CHD9: variants seen among roughly 807,000 people sequenced by gnomAD.
CHD9 encodes the protein ATP-dependent chromatin remodeler CHD9.
In CHD9, 77 loss-of-function variants were observed where a neutral mutation model predicts 316.1. That is an observed-to-expected ratio of 0.24 (90% CI 0.20 to 0.29). CHD9 has a LOEUF of 0.29. CHD9 is among the 10% of genes least tolerant of loss of function. The pLI is 1.00. For missense variants in CHD9, 2,763 were observed against 3,438.1 expected (o/e 0.80, Z 4.91); for synonymous variants, 1,129 against 1,158.3 (o/e 0.97, Z 0.51).
intron 20 of CHD9, among the ~76,000 whole-genome samples, chr16:53,267,048 A>C (rs528728769): frequency 6.6e-6 from 1 of 152,302 alleles, no homozygotes; most frequent in South Asian, 2.1e-4. Flanking sequence ...ATGTTATATT[A>C]ATATACAAAA....
In CHD9 at chr16:53,304,117, T is replaced by C. The variant is rs762490914; in HGVS notation, c.6111T>C (p.Ala2037=). 1.2e-6 allele frequency: 2 copies of C among 1,613,888 alleles called. No homozygotes were observed. Among genetic ancestry groups the C allele is most frequent in the South Asian group, 1.1e-5 (1 of 91,078 alleles). ...CCTCTCTACCTAGGCTCCTAGATGC[T>C]AAAGGTATTATTCTAGAGGAGATGA... The part of the protein sequence containing the change: ...PLTSLPRLLD[A]KGIILEEMKV... Residue 2037 remains alanine, a synonymous_variant, in exon 31 of 39, where the codon GCT becomes GCC. Coordinates refer to ENST00000447540, the MANE Select transcript of CHD9 (RefSeq NM_001308319.2).
intron 1 of CHD9, among the ~76,000 whole-genome samples, chr16:53,074,253 A>G (rs2034336779): frequency 6.6e-6 from 1 of 152,218 alleles, no homozygotes; most frequent in African/African-American, 2.4e-5. Flanking sequence ...CTAAGCAGCA[A>G]AGCATTCAAG....
At chr16:53,323,226 A>G (rs1462870038) in intron 38 of CHD9, among the ~76,000 whole-genome samples, 2 of 152,240 alleles carry the variant, frequency 1.3e-5, no homozygotes, top group East Asian at 1.9e-4. Context: ...TGAAGTGACA[A>G]TATTCAGATT....
intron 20 of CHD9, 37 bp downstream of exon 20, chr16:53,263,134 T>C (rs974883188): frequency 2.7e-6 from 4 of 1,454,664 alleles, no homozygotes; most frequent in Non-Finnish European, 3.8e-6. Context: ...AACTTGCTTT[T>C]GGGATACTTT....
intron 1 of CHD9, among the ~76,000 whole-genome samples, chr16:53,111,371 A>G (rs1405547865): frequency 6.6e-6 from 1 of 152,142 alleles, no homozygotes; most frequent in Non-Finnish European, 1.5e-5. Context: ...TTTACATCTC[A>G]GGGTTCTTCT....
intron 24 of CHD9, among the ~76,000 whole-genome samples, chr16:53,275,371 C>T (rs903978598): frequency 2.0e-5 from 3 of 152,286 alleles, no homozygotes; most frequent in African/African-American, 7.2e-5. Flanking sequence ...TTCATTCCTA[C>T]AGAAGTACTT....
intron 31 of CHD9, among the ~76,000 whole-genome samples, chr16:53,305,349 C>T (rs1028428883): frequency 9.9e-5 from 15 of 152,240 alleles, no homozygotes; most frequent in Non-Finnish European, 1.8e-4. Flanking sequence ...GCATAAGCCA[C>T]CACACCTGGC....
At chr16:53,305,111 G>T (rs1277708666) in intron 31 of CHD9, among the ~76,000 whole-genome samples, 1 of 151,912 alleles carries the variant, frequency 6.6e-6, no homozygotes, top group Non-Finnish European at 1.5e-5. Flanking sequence ...GCCCAGGCTG[G>T]AGTGCAATGG....
chr16:53,257,919 G>C (rs896697177), intron 19 of CHD9, among the ~76,000 whole-genome samples: 14 of 152,044 alleles, frequency 9.2e-5, no homozygotes, highest in Non-Finnish European at 2.9e-5. Flanking sequence ...TCTATGGACA[G>C]AAATATTTTT....
chr16:53,174,405 C>T lies in CHD9; in HGVS notation c.1452+16864C>T, dbSNP rs140402174. On this transcript the variant is annotated intron_variant, in intron 2 of 38. Transcript: ENST00000447540. ...AATTTGTATGTTTTAAATTTGTTTA[C>T]ATTTATTTAGACTTGTTTCTTTTAC... 5.8e-3 allele frequency among the ~76,000 whole-genome samples: 882 copies of T among 152,126 alleles called. 6 individuals carry two copies. The highest frequency in any genetic ancestry group is 7.6e-3 in the Non-Finnish European group (516 of 67,994).
At chr16:53,289,060 T>C (rs1004192673) in intron 27 of CHD9, among the ~76,000 whole-genome samples, 1 of 151,736 alleles carries the variant, frequency 6.6e-6, no homozygotes, top group Non-Finnish European at 1.5e-5. Flanking sequence ...TTACCATGAG[T>C]GAATGTTAGC....
intron 2 of CHD9, among the ~76,000 whole-genome samples, chr16:53,158,349 G>C (rs1471271943): frequency 6.6e-6 from 1 of 152,142 alleles, no homozygotes; most frequent in African/African-American, 2.4e-5. Context: ...AAAAGATTTT[G>C]AACACTAACA....
intron 3 of CHD9, among the ~76,000 whole-genome samples, chr16:53,212,474 G>C (rs2046410282): frequency 6.6e-6 from 1 of 152,064 alleles, no homozygotes; most frequent in Non-Finnish European, 1.5e-5. Flanking sequence ...GATGTCATCA[G>C]GGTTGGTGTT....
At chr16:53,181,138 G>A (rs1413784117) in intron 2 of CHD9, among the ~76,000 whole-genome samples, 1 of 150,744 alleles carries the variant, frequency 6.6e-6, no homozygotes, top group Admixed American at 6.6e-5. Flanking sequence ...AGCCTCCCGA[G>A]TAGCTGGGAT....
At chr16:53,133,252 G>T (rs1351476123) in intron 1 of CHD9, among the ~76,000 whole-genome samples, 2 of 152,126 alleles carry the variant, frequency 1.3e-5, no homozygotes, top group Non-Finnish European at 2.9e-5. Flanking sequence ...ACCAGGAGAT[G>T]ATATCCTAAA....
At chr16:53,121,644 C>T (rs2038743118) in intron 1 of CHD9, 1 of 320,706 alleles carries the variant, frequency 3.1e-6, no homozygotes, top group Non-Finnish European at 6.1e-6. Context: ...TTATTACCAG[C>T]TGCCTCTAGA....
chr16:53,222,456 G>T (rs1050114403), intron 3 of CHD9, among the ~76,000 whole-genome samples, 188 bp from the exon 4 acceptor site: 1 of 152,152 alleles, frequency 6.6e-6, no homozygotes, highest in Admixed American at 6.5e-5. Context: ...GAATTGGATG[G>T]TGTTTGTTCC....
intron 1 of CHD9, among the ~76,000 whole-genome samples, chr16:53,141,120 A>G (rs1037888864): frequency 1.3e-5 from 2 of 152,226 alleles, no homozygotes; most frequent in South Asian, 4.1e-4. Flanking sequence ...AAAATATTTC[A>G]TGAAACCCAA....
chr16:53,266,721 AT>A (rs912795845), intron 20 of CHD9, among the ~76,000 whole-genome samples: 1 of 152,218 alleles, frequency 6.6e-6, no homozygotes, highest in Non-Finnish European at 1.5e-5. Flanking sequence ...CTCAATAAAA[AT>A]AAAAAGTATG....
Sources: gnomAD v4.1 joint callset for allele counts (sites outside exome capture counted in the v4.1 genomes callset) on GRCh38, gnomAD v4.1.1 for gene constraint, MANE v1.5 for transcripts, NCBI Gene and HGNC (gene_info 2026-07-23, HGNC 2026-07-21) for gene names.